The following LRP1B variants were observed in gnomAD, a reference collection of about 807,000 sequenced individuals.
LRP1B encodes LDL receptor related protein 1B.
Under a neutral mutation model 556.6 loss-of-function variants are expected in LRP1B, and 217 were observed. The ratio of observed to expected loss-of-function variants is 0.39; its 90% CI spans 0.35 to 0.44. The LOEUF is 0.44. LRP1B is among the 20% of genes least tolerant of loss of function. The probability of loss-of-function intolerance (pLI) is 1.00; values close to 1 mark genes in which losing one functional copy is unlikely to be tolerated. For missense variants in LRP1B, 5,053 were observed against 5,620.8 expected (o/e 0.90, Z 3.23); for synonymous variants, 2,047 against 1,865.8 (o/e 1.10, Z -2.50).
chr2:141,264,399 C>A (rs1684810728), intron 3 of LRP1B, among the ~76,000 whole-genome samples: 1 of 152,150 alleles, frequency 6.6e-6, no homozygotes, highest in Non-Finnish European at 1.5e-5. Context: ...AAGCTGTGGA[C>A]CAACCATGTG....
At chr2:141,170,464 C>T (rs2105139867) in intron 7 of LRP1B, among the ~76,000 whole-genome samples, 1 of 152,144 alleles carries the variant, frequency 6.6e-6, no homozygotes, top group Middle Eastern at 3.4e-3. Context: ...ACTTTTCACT[C>T]CGAAAGAAAT....
At chr2:140,344,171 G>C (rs769288528) in intron 77 of LRP1B, among the ~76,000 whole-genome samples, 4 of 151,770 alleles carry the variant, frequency 2.6e-5, no homozygotes, top group Non-Finnish European at 5.9e-5. Context: ...AGAACAAATT[G>C]ATTGTCTATT....
Position 141,171,267 on chromosome 2 carries a change from T to C in LRP1B, c.1013+17154A>G, listed in dbSNP as rs114299420. On this transcript the variant is annotated intron_variant, in intron 7 of 90. Transcript: ENST00000389484. ...TGGGTTTTGATAAATGCATAGGACATGTACACATCATTGCAGTATCACAGA... is the reference window on the plus strand; with the variant it reads ...TGGGTTTTGATAAATGCATAGGACACGTACACATCATTGCAGTATCACAGA... 3.7e-3 allele frequency among the ~76,000 whole-genome samples: 556 copies of C among 152,218 alleles called. 6 individuals carry two copies. The highest frequency in any genetic ancestry group is 0.013 in the African/African-American group (524 of 41,560).
chr2:141,400,043 T>C (rs984176230), intron 3 of LRP1B, among the ~76,000 whole-genome samples: 4 of 152,110 alleles, frequency 2.6e-5, no homozygotes, highest in African/African-American at 9.7e-5. Context: ...TGGAGCGCAG[T>C]GGGGTGATCA....
chr2:140,500,464 C>T (rs1234388395), intron 55 of LRP1B, among the ~76,000 whole-genome samples: 2 of 151,948 alleles, frequency 1.3e-5, no homozygotes, highest in South Asian at 4.1e-4. Context: ...CAATTGTCTA[C>T]CATCCTTTAA....
At chr2:141,215,776 C>G (rs1225126104) in intron 6 of LRP1B, among the ~76,000 whole-genome samples, 1 of 152,298 alleles carries the variant, frequency 6.6e-6, no homozygotes, top group East Asian at 1.9e-4. Flanking sequence ...GCAAAGCATT[C>G]AAGATGTGTC....
At chr2:140,316,665 A>G (rs1684531569) in intron 82 of LRP1B, among the ~76,000 whole-genome samples, 1 of 152,270 alleles carries the variant, frequency 6.6e-6, no homozygotes, top group African/African-American at 2.4e-5. Flanking sequence ...CAGTTACTTC[A>G]CTTTAAAATG....
chr2:140,515,695 T>C (rs1485829362), intron 50 of LRP1B, among the ~76,000 whole-genome samples: 1 of 151,938 alleles, frequency 6.6e-6, no homozygotes, highest in Non-Finnish European at 1.5e-5. Flanking sequence ...GAAGATATGA[T>C]CAGATAATGG....
Position 141,687,362 on chromosome 2 carries a change from C to T in LRP1B, c.205+122917G>A, listed in dbSNP as rs978989924. ...TACATTTTATAACAAGTTTGTGAGA[C>T]GAGTAAGCCAAATATTCTGACTTTA... On this transcript the variant is annotated intron_variant, in intron 2 of 90. Transcript: ENST00000389484. Among the ~76,000 whole-genome samples, 21 of 151,890 alleles carry T rather than the reference C, an allele frequency of 1.4e-4. No individual in the cohort carries two copies. The East Asian group carries it at 2.9e-3, about 21-fold the overall frequency.
chr2:140,719,928 T>C (rs1002586353), intron 35 of LRP1B, among the ~76,000 whole-genome samples: 1 of 152,032 alleles, frequency 6.6e-6, no homozygotes, highest in African/African-American at 2.4e-5. Flanking sequence ...TTTGCTAAGA[T>C]AGGAAAACAT....
chr2:140,551,123 A>G (rs1375860514), intron 43 of LRP1B, among the ~76,000 whole-genome samples: 2 of 152,132 alleles, frequency 1.3e-5, no homozygotes, highest in African/African-American at 4.8e-5. Flanking sequence ...TGAGAAATAA[A>G]TCTCTGTTGT....
intron 1 of LRP1B, among the ~76,000 whole-genome samples, chr2:141,915,492 C>T (rs1250973864): frequency 1.3e-5 from 2 of 151,980 alleles, no homozygotes; most frequent in Non-Finnish European, 2.9e-5. Context: ...TAGAAGAAAA[C>T]CTGGGAAATA....
chr2:141,005,898 C>A (rs186412373), intron 14 of LRP1B, among the ~76,000 whole-genome samples: 2 of 151,778 alleles, frequency 1.3e-5, no homozygotes, highest in African/African-American at 4.8e-5. Flanking sequence ...CAGTATACAC[C>A]GGAAAGGCAG....
chr2:141,092,947 A>G (rs1700205092), intron 7 of LRP1B, among the ~76,000 whole-genome samples: 1 of 152,256 alleles, frequency 6.6e-6, no homozygotes, highest in African/African-American at 2.4e-5. Context: ...AGAAATTGGC[A>G]TTGAGTATAG....
chr2:140,845,213 A>G (rs187358647), intron 29 of LRP1B, among the ~76,000 whole-genome samples: 1 of 152,342 alleles, frequency 6.6e-6, no homozygotes, highest in African/African-American at 2.4e-5. Context: ...AGAAACTACT[A>G]GCTTATATAT....
intron 60 of LRP1B, among the ~76,000 whole-genome samples, chr2:140,466,754 AATTT>A (rs1687565253): frequency 6.6e-6 from 1 of 152,196 alleles, no homozygotes; most frequent in Non-Finnish European, 1.5e-5. Flanking sequence ...TGAAAAAAAC[AATTT>A]ATTGGAACAA....
intron 66 of LRP1B, among the ~76,000 whole-genome samples, chr2:140,416,691 C>A (rs1685218910): frequency 6.6e-6 from 1 of 152,010 alleles, no homozygotes; most frequent in Non-Finnish European, 1.5e-5. Flanking sequence ...AAGTAACAAG[C>A]TGCATCTGGT....
In LRP1B at chr2:141,890,263, G is replaced by A. The variant is rs139552042; in HGVS notation, c.83-79862C>T. Among the ~76,000 whole-genome samples, 879 of 147,892 alleles carry A rather than the reference G, an allele frequency of 5.9e-3. 8 individuals carry two copies. Among genetic ancestry groups the A allele is most frequent in the African/African-American group, 0.02 (820 of 40,198 alleles). Reference sequence around the variant, plus strand: ...CCCAGTTATCAGCATTGTTGTCTACGTTGCTTATGCTGTACCCTGAGCACT... The same window carrying A: ...CCCAGTTATCAGCATTGTTGTCTACATTGCTTATGCTGTACCCTGAGCACT... On this transcript the variant is annotated intron_variant, in intron 1 of 90. Transcript: ENST00000389484.
intron 3 of LRP1B, among the ~76,000 whole-genome samples, chr2:141,319,658 G>A (rs1242288863): frequency 6.6e-6 from 1 of 152,036 alleles, no homozygotes; most frequent in East Asian, 1.9e-4. Flanking sequence ...TTGGGGATTA[G>A]CCAAATTGTA....
Sources: allele counts gnomAD v4.1 joint callset (sites outside exome capture counted in the v4.1 genomes callset), GRCh38; gene constraint gnomAD v4.1.1; transcripts MANE v1.5; gene names NCBI Gene and HGNC (gene_info 2026-07-23, HGNC 2026-07-21).